Variants in NEXMIF observed in about 807,000 individuals in gnomAD.
NEXMIF encodes XLMR protein related to neurite extension.
NEXMIF carries 8 observed loss-of-function variants against 62.1 expected under a neutral mutation model. That is an observed-to-expected ratio of 0.13 (90% CI 0.08 to 0.23). The LOEUF is 0.23. NEXMIF is among the 10% of genes least tolerant of loss of function. The pLI, the probability that NEXMIF is intolerant of heterozygous loss-of-function variation, is 1.00. For synonymous variants in NEXMIF, 404 were observed against 416.6 expected (o/e 0.97, Z 0.37); for missense variants, 976 against 1,113.3 (o/e 0.88, Z 1.75).
At chrX:74,790,408 G>A (rs1265175512) in intron 1 of NEXMIF, among the ~76,000 whole-genome samples, 1 of 113,155 alleles carries the variant, frequency 8.8e-6, no homozygotes, top group Non-Finnish European at 1.9e-5. Context: ...GTCAGGTAGT[G>A]TGATGCCTCC....
intron 1 of NEXMIF, among the ~76,000 whole-genome samples, chrX:74,904,005 T>C (rs2080758250): frequency 9.1e-6 from 1 of 109,628 alleles, no homozygotes; most frequent in African/African-American, 3.3e-5. Context: ...ACTGTCTTTG[T>C]GCTCAGGCTC....
intron 1 of NEXMIF, among the ~76,000 whole-genome samples, chrX:74,820,644 G>A (rs1456949096): frequency 1.8e-5 from 2 of 111,644 alleles, no homozygotes; most frequent in Non-Finnish European, 3.8e-5. Flanking sequence ...AAACTGTGCT[G>A]TACATCATGG....
At chrX:74,798,964 T>C (rs867236759) in intron 1 of NEXMIF, among the ~76,000 whole-genome samples, 2 of 89,111 alleles carry the variant, frequency 2.2e-5, no homozygotes, top group Non-Finnish European at 4.6e-5. Flanking sequence ...AGGAATAAAG[T>C]AAAAAAAAAA....
intron 1 of NEXMIF, among the ~76,000 whole-genome samples, chrX:74,809,036 C>A (rs903523767): frequency 1.8e-5 from 2 of 111,529 alleles, no homozygotes; most frequent in Non-Finnish European, 3.8e-5. Flanking sequence ...ATAAAAAGAG[C>A]TTGCAGGAGT....
At chrX:74,907,085 T>C (rs2080771494) in intron 1 of NEXMIF, among the ~76,000 whole-genome samples, 1 of 111,874 alleles carries the variant, frequency 8.9e-6, no homozygotes, top group Non-Finnish European at 1.9e-5. Context: ...AGCCTCTCTT[T>C]CCTGATGTAA....
intron 1 of NEXMIF, among the ~76,000 whole-genome samples, chrX:74,831,449 T>C (rs1189846070): frequency 9.6e-6 from 1 of 104,375 alleles, no homozygotes; most frequent in Non-Finnish European, 1.9e-5. Context: ...CGGTGTTTGG[T>C]TTTTTGTCCT....
intron 1 of NEXMIF, among the ~76,000 whole-genome samples, chrX:74,864,822 C>T (rs2080571888): frequency 9.0e-6 from 1 of 110,758 alleles, no homozygotes; most frequent in Admixed American, 9.6e-5. Flanking sequence ...AATTCTCATG[C>T]CTCAGCCTCC....
At chrX:74,769,844 A>G (rs2147454199) in intron 1 of NEXMIF, 1 of 388,273 alleles carries the variant, frequency 2.6e-6, no homozygotes, top group East Asian at 4.3e-5. Context: ...TGTGGTCCTG[A>G]TCAAGATACA....
chrX:74,743,802 G>T lies in NEXMIF; in HGVS notation c.755C>A (p.Ala252Glu). 3 of 1,211,000 alleles carry T rather than the reference G, an allele frequency of 2.5e-6. No homozygotes were observed. The highest frequency in any genetic ancestry group is 3.4e-6 in the Non-Finnish European group (3 of 895,029). The part of the protein sequence containing the change: ...DKCNTEEALL[A>E]NSNQDWGYFE... Reference sequence around the variant, plus strand: ...GTAACCCCAATCCTGATTGGAATTTGCAAGCAAAGCTTCTTCTGTATTGCA... The same window carrying T: ...GTAACCCCAATCCTGATTGGAATTTTCAAGCAAAGCTTCTTCTGTATTGCA... Residue 252 changes from alanine (A) to glutamate (E), a missense_variant, in exon 3 of 4, where the codon GCA becomes GAA. Physicochemically the swap from Ala to Glu is moderately radical, Grantham distance 107. Transcript: ENST00000055682.
At chrX:74,872,953 AT>A (rs764943695) in intron 1 of NEXMIF, among the ~76,000 whole-genome samples, 3 of 108,487 alleles carry the variant, frequency 2.8e-5, no homozygotes, top group South Asian at 3.9e-4. Context: ...TTTAGTTTTT[AT>A]TTTTTTTAAA....
chrX:74,878,860 C>T (rs776200230), intron 1 of NEXMIF, among the ~76,000 whole-genome samples: 12 of 112,209 alleles, frequency 1.1e-4, no homozygotes, highest in Non-Finnish European at 1.5e-4. Context: ...GCGCATGGTG[C>T]GCGCACCCAC....
intron 1 of NEXMIF, among the ~76,000 whole-genome samples, chrX:74,920,025 T>C (rs2080821270): frequency 8.9e-6 from 1 of 112,076 alleles, no homozygotes; most frequent in Non-Finnish European, 1.9e-5. Context: ...CAGTCTATCA[T>C]TGTTGGACGT....
chrX:74,878,761 G>A (rs779595992), intron 1 of NEXMIF, among the ~76,000 whole-genome samples: 7 of 112,294 alleles, frequency 6.2e-5, no homozygotes, highest in Non-Finnish European at 7.5e-5. Flanking sequence ...TCCAGGTGCC[G>A]TCTGTCACCC....
intron 1 of NEXMIF, among the ~76,000 whole-genome samples, chrX:74,815,604 C>T (rs1396059527): frequency 9.1e-6 from 1 of 110,177 alleles, no homozygotes; most frequent in Non-Finnish European, 1.9e-5. Context: ...CATGATCTGA[C>T]CCTAGTATAT....
Position 74,743,677 on chromosome X carries a change from A to C in NEXMIF, c.880T>G (p.Tyr294Asp). The change falls in exon 3 of 4, where the codon TAC becomes GAC. Residue 294 changes from tyrosine to aspartate, a missense_variant. Tyr to Asp is a radical substitution (Grantham distance 160). Around this residue, in one of 5 missense-constraint regions of NEXMIF, gnomAD observed 45 missense variants for 86.8 expected, o/e 0.52. Coordinates refer to ENST00000055682, the MANE Select transcript of NEXMIF (RefSeq NM_001008537.3). ...NLFSEEDVDN[Y>D]MFDDDESTLG... ...GTTGATTCATCATCATCAAACATGT[A>C]GTTATCCACATCTTCTTCAGAGAAT... 1.7e-6 allele frequency: 2 copies of C among 1,211,186 alleles called. No homozygotes were observed. Among genetic ancestry groups the C allele is most frequent in the Non-Finnish European group, 2.2e-6 (2 of 894,823 alleles).
intron 1 of NEXMIF, among the ~76,000 whole-genome samples, chrX:74,870,431 C>A (rs1252675931): frequency 9.0e-6 from 1 of 111,523 alleles, no homozygotes; most frequent in Non-Finnish European, 1.9e-5. Context: ...GAGTAATACC[C>A]CACAAGCACT....
At chrX:74,880,349 G>T (rs2080657971) in intron 1 of NEXMIF, among the ~76,000 whole-genome samples, 1 of 111,442 alleles carries the variant, frequency 9.0e-6, no homozygotes, top group African/African-American at 3.3e-5. Context: ...TCAGCATTGT[G>T]CCACTCATGA....
At chrX:74,843,181 G>A (rs1024692459) in intron 1 of NEXMIF, among the ~76,000 whole-genome samples, 1 of 111,663 alleles carries the variant, frequency 9.0e-6, no homozygotes, top group Admixed American at 9.5e-5. Context: ...ATATACTTAG[G>A]ATGGTTAGAT....
intron 1 of NEXMIF, among the ~76,000 whole-genome samples, chrX:74,884,431 A>T (rs1417538277): frequency 1.8e-5 from 2 of 111,687 alleles, no homozygotes; most frequent in Non-Finnish European, 3.8e-5. Context: ...CATAGGCTCA[A>T]AATAAAGGGA....
Sources: gnomAD v4.1 joint callset for allele counts (sites outside exome capture counted in the v4.1 genomes callset) on GRCh38, gnomAD v4.1.1 for gene constraint, gnomAD v4.1.1 regional missense constraint, MANE v1.5 for transcripts, NCBI Gene and HGNC (gene_info 2026-07-23, HGNC 2026-07-21) for gene names.